Variants in COL11A1 observed in about 807,000 individuals in gnomAD.
COL11A1 encodes collagen alpha-1(XI) chain.
A neutral mutation model predicts 265.2 loss-of-function variants in COL11A1; 74 were observed. The ratio of observed to expected loss-of-function variants is 0.28; its 90% CI spans 0.23 to 0.34. COL11A1 has a LOEUF of 0.34. Ranked by LOEUF, COL11A1 falls within the 10% of genes least tolerant of loss-of-function variation. The pLI, the probability that COL11A1 is intolerant of heterozygous loss-of-function variation, is 1.00. For missense variants in COL11A1, 2,165 were observed against 2,263.6 expected, an observed-to-expected ratio of 0.96 and a Z score of 0.88; for synonymous variants, 816 against 727.6, an observed-to-expected ratio of 1.12 and a Z score of -1.96.
intron 65 of COL11A1, among the ~76,000 whole-genome samples, chr1:102,881,027 CTG>C (rs1650171830): frequency 1.3e-5 from 2 of 151,876 alleles, no homozygotes; most frequent in African/African-American, 2.4e-5. Flanking sequence ...GAAATAATAA[CTG>C]TATAAATAAT....
intron 54 of COL11A1, among the ~76,000 whole-genome samples, chr1:102,904,795 A>T (rs1425389305): frequency 1.3e-5 from 2 of 152,052 alleles, no homozygotes; most frequent in Non-Finnish European, 2.9e-5. Flanking sequence ...AACTAGTTCA[A>T]CCATTGTGGA....
chr1:103,090,305 GAAGA>G (rs912956005), intron 1 of COL11A1, among the ~76,000 whole-genome samples: 6 of 151,964 alleles, frequency 3.9e-5, no homozygotes, highest in Non-Finnish European at 8.8e-5. Flanking sequence ...AAATAATACA[GAAGA>G]AAGTTCTCAG....
In COL11A1 at chr1:102,976,878, C is replaced by A. The variant is rs1291303963; in HGVS notation, c.2754+1830G>T. Among the ~76,000 whole-genome samples, 9 of 151,910 alleles carry A rather than the reference C, an allele frequency of 5.9e-5. No individual in the cohort carries two copies. In the East Asian group the frequency reaches 1.4e-3, roughly 23 times the overall value. On this transcript the variant is annotated intron_variant, in intron 35 of 66. Transcript: ENST00000370096. ...GTTTTGTTTTCACTTAATTTGGTAA[C>A]CTTAGACCTAACTAAAAGATATATT...
chr1:103,012,363 C>T (rs754372914), intron 14 of COL11A1, 50 bp downstream of exon 14: 1 of 1,413,020 alleles, frequency 7.1e-7, no homozygotes, highest in South Asian at 1.2e-5. Flanking sequence ...GCACAGGGAA[C>T]TGCTAATTTG....
chr1:103,015,818 G>GT (rs1666519654), intron 11 of COL11A1, 76 bp from the exon 12 acceptor site: 1 of 1,097,640 alleles, frequency 9.1e-7, no homozygotes, highest in Admixed American at 2.2e-5. Context: ...AACTTATAAC[G>GT]TAAGTCTACT....
intron 37 of COL11A1, among the ~76,000 whole-genome samples, chr1:102,966,145 A>G (rs1226264140): frequency 2.0e-5 from 3 of 152,170 alleles, no homozygotes; most frequent in Non-Finnish European, 4.4e-5. Flanking sequence ...AGCAGAATAT[A>G]CTCACTAAAT....
At chr1:103,022,705 A>C (rs1557958822) in intron 8 of COL11A1, 37 bp downstream of exon 8, 1 of 1,612,348 alleles carries the variant, frequency 6.2e-7, no homozygotes, top group East Asian at 2.2e-5. Flanking sequence ...TCCCATAAAT[A>C]AGACATACAA....
chr1:102,906,858 T>C (rs1349387738), intron 54 of COL11A1, among the ~76,000 whole-genome samples: 2 of 152,160 alleles, frequency 1.3e-5, no homozygotes, highest in African/African-American at 2.4e-5. Flanking sequence ...GAACAAATCA[T>C]AGTTTTGGTA....
chr1:102,898,062 G>T (rs1258739965), intron 57 of COL11A1, 63 bp downstream of exon 57: 1 of 1,024,122 alleles, frequency 9.8e-7, no homozygotes, highest in Non-Finnish European at 1.5e-6. Flanking sequence ...AAAAATTCTA[G>T]CTAATAAACA....
In COL11A1 at chr1:102,930,796, C is replaced by T. The variant is rs1657321034; in HGVS notation, c.3600+3653G>A. On this transcript the variant is annotated intron_variant, in intron 46 of 66. Coordinates refer to ENST00000370096, the MANE Select transcript of COL11A1 (RefSeq NM_001854.4). ...CCTGTTATTGGTCTATTCAGAGATTCAACTTCTTCCTGGTTTAGTCTTGGG... is the reference window on the plus strand; with the variant it reads ...CCTGTTATTGGTCTATTCAGAGATTTAACTTCTTCCTGGTTTAGTCTTGGG... 2.6e-5 allele frequency among the ~76,000 whole-genome samples: 4 copies of T among 151,236 alleles called. No homozygotes were observed. The South Asian group carries it at 8.3e-4, about 31-fold the overall frequency.
At chr1:102,888,811 CTG>C (rs1651356687) in intron 60 of COL11A1, 53 bp from the exon 61 acceptor site, 5 of 1,612,854 alleles carry the variant, frequency 3.1e-6, no homozygotes, top group Non-Finnish European at 4.2e-6. Flanking sequence ...ATTTGTGTCT[CTG>C]TTATATTTGT....
chr1:102,941,645 A>G (rs1658734835), intron 42 of COL11A1, among the ~76,000 whole-genome samples: 1 of 152,142 alleles, frequency 6.6e-6, no homozygotes, highest in Non-Finnish European at 1.5e-5. Context: ...CCCCTATGAG[A>G]ACTCTTTGCA....
Position 103,022,778 on chromosome 1 carries a change from T to C in COL11A1, c.1209A>G (p.Pro403=). ...PTSPPNEEFG[P]GVPAETDITE... is the part of the protein sequence containing the mutation. ...TAATATCAGTTTCTGCTGGTACACC[T>C]GGACCAAATTCTTCATTAGGGGGGC... The change falls in exon 8 of 67, where the codon CCA becomes CCG. Residue 403 remains proline (P), a synonymous_variant. Coordinates refer to ENST00000370096, the MANE Select transcript of COL11A1 (RefSeq NM_001854.4). 3 of 1,613,724 alleles carry C rather than the reference T, an allele frequency of 1.9e-6. No homozygotes were observed. Among genetic ancestry groups the C allele is most frequent in the Non-Finnish European group, 2.5e-6 (3 of 1,179,956 alleles).
intron 1 of COL11A1, among the ~76,000 whole-genome samples, chr1:103,083,248 C>CTGTGTGTGTGTG (rs76992260): frequency 6.1e-5 from 9 of 148,174 alleles, no homozygotes; most frequent in South Asian, 2.1e-4. Context: ...GTGTCTGTGT[C>CTGTGTGTGTGTG]TGTGTGTGTG....
In COL11A1 at chr1:102,877,774, G is replaced by C; in HGVS notation, c.*245C>G. 1 of 414,494 alleles carries C rather than the reference G, an allele frequency of 2.4e-6. No homozygotes were observed. Among genetic ancestry groups the C allele is most frequent in the South Asian group, 3.3e-5 (1 of 30,028 alleles). The allele number at this position is 414,494 out of a possible 1,614,324, so 25.7% of individuals were successfully genotyped here. ...AAATTCAAATAGGAAAAGGAGAGTTGAGAATTGGGAATCAAGAATCAGCCC... is the reference window on the plus strand; with the variant it reads ...AAATTCAAATAGGAAAAGGAGAGTTCAGAATTGGGAATCAAGAATCAGCCC... On this transcript the variant is annotated 3_prime_UTR_variant, in exon 67 of 67. Coordinates refer to ENST00000370096, the MANE Select transcript of COL11A1 (RefSeq NM_001854.4).
intron 4 of COL11A1, among the ~76,000 whole-genome samples, chr1:103,039,801 T>C (rs1668667739): frequency 1.3e-5 from 2 of 151,872 alleles, no homozygotes; most frequent in Non-Finnish European, 2.9e-5. Context: ...GTCATTTCAA[T>C]TGAAAAAAAA....
intron 63 of COL11A1, among the ~76,000 whole-genome samples, chr1:102,886,215 G>C (rs943140462): frequency 1.2e-4 from 19 of 152,024 alleles, no homozygotes; most frequent in African/African-American, 3.4e-4. Context: ...GTATATAAAG[G>C]TTTTGTCAAA....
chr1:103,066,555 CAAA>C (rs35403453), intron 4 of COL11A1, among the ~76,000 whole-genome samples: 5 of 106,176 alleles, frequency 4.7e-5, no homozygotes, highest in Admixed American at 9.5e-5. Context: ...CCCTCAGCAC[CAAA>C]AAAAAAAAAA....
intron 4 of COL11A1, among the ~76,000 whole-genome samples, chr1:103,042,600 G>T (rs1048583106): frequency 2.6e-5 from 4 of 152,022 alleles, no homozygotes; most frequent in Non-Finnish European, 5.9e-5. Flanking sequence ...AAGGGAAAAA[G>T]GTTGGCATTG....
Sources: gnomAD v4.1 joint callset for allele counts (sites outside exome capture counted in the v4.1 genomes callset) on GRCh38, gnomAD v4.1.1 for gene constraint, MANE v1.5 for transcripts, NCBI Gene and HGNC (gene_info 2026-07-23, HGNC 2026-07-21) for gene names.